Variants in STOX2 observed in about 807,000 individuals in gnomAD.
STOX2 encodes the protein storkhead-box protein 2.
Under a neutral mutation model 60.9 loss-of-function variants are expected in STOX2, and 28 were observed. The ratio of observed to expected loss-of-function variants is 0.46; its 90% CI spans 0.34 to 0.63. The LOEUF is 0.63. Ranked by LOEUF, STOX2 falls within the 30% of genes least tolerant of loss-of-function variation. The probability of loss-of-function intolerance (pLI) is 0.01; values close to 1 mark genes in which losing one functional copy is unlikely to be tolerated. For missense variants in STOX2, 1,024 were observed against 1,187.7 expected (o/e 0.86, Z 2.03); for synonymous variants, 472 against 463.9 (o/e 1.02, Z -0.22).
At chr4:183,975,275 A>G (rs1732405835) in intron 1 of STOX2, among the ~76,000 whole-genome samples, 2 of 152,126 alleles carry the variant, frequency 1.3e-5, no homozygotes, top group Admixed American at 6.5e-5. Flanking sequence ...TTCTACCTAA[A>G]GAAACTAGAA....
chr4:183,904,048 A>G (rs1302093403), upstream of STOX2, among the ~76,000 whole-genome samples: 2 of 152,258 alleles, frequency 1.3e-5, no homozygotes, highest in Non-Finnish European at 2.9e-5. Context: ...ACAGTGATAG[A>G]TCATCAGGCA....
chr4:183,943,035 A>G, intron 1 of STOX2, among the ~76,000 whole-genome samples: 2 of 152,368 alleles, frequency 1.3e-5, no homozygotes, highest in Middle Eastern at 3.4e-3. Flanking sequence ...GTCAGCTTTC[A>G]GAATGGCAAT....
intron 1 of STOX2, among the ~76,000 whole-genome samples, chr4:183,960,539 G>C (rs1233795045): frequency 6.6e-6 from 1 of 152,182 alleles, no homozygotes; most frequent in Non-Finnish European, 1.5e-5. Flanking sequence ...ATTCTGCTCA[G>C]AGTCAACATT....
Position 184,011,331 on chromosome 4 carries a change from C to G in STOX2, c.2493C>G (p.Asp831Glu). ...NLTLLAPKET[D>E]SSSNQRATHS... is the part of the protein sequence containing the mutation. Reference sequence around the variant, plus strand: ...CCCTTCTTGCTCCAAAAGAAACCGACAGCAGCAGCAACCAGAGAGCCACCC... The same window carrying G: ...CCCTTCTTGCTCCAAAAGAAACCGAGAGCAGCAGCAACCAGAGAGCCACCC... Residue 831 changes from aspartate to glutamate, a missense_variant, in exon 3 of 4, where the codon GAC (aspartate) becomes GAG (glutamate). Asp to Glu is a conservative substitution (Grantham distance 45). Transcript: ENST00000308497. The surrounding 1 kb of genome is among the most constrained non-coding windows in gnomAD (Gnocchi z 4.4). 6.2e-7 allele frequency: 1 copy of G among 1,614,020 alleles called. No homozygotes were observed. Among genetic ancestry groups the G allele is most frequent in the Non-Finnish European group, 8.5e-7 (1 of 1,179,902 alleles).
At chr4:183,948,218 C>CAAAAAAAAAAAA (rs760286920) in intron 1 of STOX2, among the ~76,000 whole-genome samples, 2 of 29,878 alleles carry the variant, frequency 6.7e-5, no homozygotes, top group Non-Finnish European at 1.1e-4. Flanking sequence ...AACTCCATCT[C>CAAAAAAAAAAAA]AAAAAAAAAA....
chr4:183,899,470 C>T (rs1741416691), intron 1 of STOX2, among the ~76,000 whole-genome samples: 1 of 152,188 alleles, frequency 6.6e-6, no homozygotes, highest in African/African-American at 2.4e-5. Flanking sequence ...CCCCAATGAA[C>T]ACACGAATGA....
intron 1 of STOX2, among the ~76,000 whole-genome samples, chr4:183,965,812 G>A (rs747278467): frequency 6.6e-5 from 10 of 152,126 alleles, no homozygotes; most frequent in Non-Finnish European, 1.0e-4. Context: ...CATCCAGAGA[G>A]TGAGTAGAGT....
At chr4:183,854,532 A>T (rs1195745147) in intron 1 of STOX2, among the ~76,000 whole-genome samples, 1 of 152,034 alleles carries the variant, frequency 6.6e-6, no homozygotes, top group Non-Finnish European at 1.5e-5. Flanking sequence ...GGCAGGGGGG[A>T]TGGTGAGTTT....
chr4:183,798,757 G>A (rs1738692151), intron 1 of STOX2: 1 of 985,386 alleles, frequency 1.0e-6, no homozygotes, highest in South Asian at 4.7e-5. Flanking sequence ...GGGCAGAGTC[G>A]CCCAGAGGTG....
rs1741616455 is a variant in STOX2 at position 183,906,586 on chromosome 4, TA to T, written c.-201del. ...AGTGTAATGCATTGTGGGACGTGTG[TA>T]AAATCGGAGCCTTCGCCGTGGGGGT... On this transcript the variant is annotated 5_prime_UTR_variant, in exon 1 of 4. It introduces an in-frame stop codon into an upstream open reading frame of the 5' UTR. Transcript: ENST00000308497. 1.3e-5 allele frequency: 7 copies of T among 557,880 alleles called. No homozygotes were observed. The allele number at this position is 557,880 out of a possible 1,614,324, so 34.6% of individuals were successfully genotyped here. A position where few individuals can be genotyped will look rare whatever the true frequency, so the allele number is the denominator to read the frequency against.
chr4:183,837,348 T>G (rs539912781), intron 1 of STOX2, among the ~76,000 whole-genome samples: 2 of 152,318 alleles, frequency 1.3e-5, no homozygotes, highest in African/African-American at 4.8e-5. Context: ...TTATTCTACT[T>G]GCTGCCTTAT....
chr4:183,850,094 AT>A (rs902262774), intron 1 of STOX2, among the ~76,000 whole-genome samples: 74 of 151,942 alleles, frequency 4.9e-4, no homozygotes, highest in African/African-American at 1.8e-3. Context: ...CTCACAAGTA[AT>A]TGGGATTACA....
intron 1 of STOX2, among the ~76,000 whole-genome samples, chr4:183,980,654 G>A (rs1036774344): frequency 2.6e-5 from 4 of 151,854 alleles, no homozygotes; most frequent in South Asian, 2.1e-4. Flanking sequence ...TTTACACTCC[G>A]TCTGGACTTA....
intron 1 of STOX2, among the ~76,000 whole-genome samples, chr4:183,955,140 T>C (rs905184868): frequency 2.0e-5 from 3 of 152,230 alleles, no homozygotes; most frequent in African/African-American, 4.8e-5. Flanking sequence ...TCTTTTCTCT[T>C]CCTGGTAGCC....
intron 1 of STOX2, among the ~76,000 whole-genome samples, chr4:183,954,299 G>GT (rs1204809499): frequency 1.3e-5 from 2 of 151,712 alleles, no homozygotes; most frequent in African/African-American, 4.8e-5. Flanking sequence ...TTTTGTTTTT[G>GT]TTTTTTTGAG....
chr4:183,938,507 A>G lies in STOX2; in HGVS notation c.166+31551A>G, dbSNP rs187427366. On this transcript the variant is annotated intron_variant, in intron 1 of 3. Transcript: ENST00000308497. ...AACATGGTGAAACCCCGTCTCTACT[A>G]AAAATACACAAATTAGCTGGATGTG... Among the ~76,000 whole-genome samples the G allele has an allele frequency of 3.5e-3, 540 of 152,128 alleles. 14 individuals carry two copies. Among genetic ancestry groups the G allele is most frequent in the Admixed American group, 0.024 (369 of 15,286 alleles).
chr4:183,974,044 GT>G (rs1245994070), intron 1 of STOX2, among the ~76,000 whole-genome samples: 1 of 152,162 alleles, frequency 6.6e-6, no homozygotes, highest in African/African-American at 2.4e-5. Context: ...CATTGGTAGA[GT>G]TTCATTGTAT....
chr4:183,962,260 T>C (rs367617419), intron 1 of STOX2, among the ~76,000 whole-genome samples: 181 of 152,350 alleles, frequency 1.2e-3, no homozygotes, highest in African/African-American at 3.8e-3. Context: ...CTTTAAAATG[T>C]AGAAATCACA....
At chr4:183,893,893 A>G (rs1018374076) in intron 1 of STOX2, among the ~76,000 whole-genome samples, 41 of 152,228 alleles carry the variant, frequency 2.7e-4, no homozygotes, top group Non-Finnish European at 8.8e-5. Context: ...ACTTTAAAAA[A>G]CATCCTAGTT....
Sources: gnomAD v4.1 joint callset for allele counts (sites outside exome capture counted in the v4.1 genomes callset) on GRCh38, gnomAD v4.1.1 for gene constraint, Gnocchi (gnomAD v3.1) non-coding constraint, MANE v1.5 for transcripts, NCBI Gene and HGNC (gene_info 2026-07-23, HGNC 2026-07-21) for gene names.